LRRC8C: variants seen among roughly 807,000 people sequenced by gnomAD.
LRRC8C encodes the protein volume-regulated anion channel subunit LRRC8C.
Under a neutral mutation model 55.3 loss-of-function variants are expected in LRRC8C, and 20 were observed. That is an observed-to-expected ratio of 0.36 (90% CI 0.25 to 0.53). The LOEUF is 0.53. Ranked by LOEUF, LRRC8C falls within the 20% of genes least tolerant of loss-of-function variation. The pLI, the probability that LRRC8C is intolerant of heterozygous loss-of-function variation, is 0.92. For missense variants in LRRC8C, 659 were observed against 951.4 expected, an observed-to-expected ratio of 0.69 and a Z score of 4.04; for synonymous variants, 376 against 360.7, an observed-to-expected ratio of 1.04 and a Z score of -0.48.
At chr1:89,707,647 T>A (rs375632544) in intron 2 of LRRC8C, among the ~76,000 whole-genome samples, 1 of 117,692 alleles carries the variant, frequency 8.5e-6, no homozygotes, top group East Asian at 2.3e-4. Flanking sequence ...TGTGTGTGTG[T>A]GTGAGTGTGT....
intron 1 of LRRC8C, among the ~76,000 whole-genome samples, chr1:89,666,703 TTC>T (rs1332364635): frequency 6.6e-6 from 1 of 152,142 alleles, no homozygotes; most frequent in African/African-American, 2.4e-5. Flanking sequence ...ACATAAACAT[TTC>T]TGTTATTCAT....
At chr1:89,686,855 T>A (rs1422709823) in intron 2 of LRRC8C, among the ~76,000 whole-genome samples, 1 of 152,236 alleles carries the variant, frequency 6.6e-6, no homozygotes, top group Non-Finnish European at 1.5e-5. Flanking sequence ...TCAAGTAATG[T>A]CTGATGTCAC....
At chr1:89,709,721 T>G (rs1316219035) in intron 2 of LRRC8C, among the ~76,000 whole-genome samples, 1 of 151,178 alleles carries the variant, frequency 6.6e-6, no homozygotes, top group Admixed American at 6.6e-5. Context: ...TTTTTTGTTT[T>G]GTTTTGTTTT....
chr1:89,637,523 C>T (rs1656324179), intron 1 of LRRC8C, among the ~76,000 whole-genome samples: 2 of 151,616 alleles, frequency 1.3e-5, no homozygotes, highest in African/African-American at 2.4e-5. Flanking sequence ...ATAAAGGAAG[C>T]ATAACTATAA....
chr1:89,712,628 T>A (rs1658680629), intron 2 of LRRC8C, 81 bp from the exon 3 acceptor site: 1 of 954,220 alleles, frequency 1.0e-6, no homozygotes, highest in Admixed American at 2.1e-5. Context: ...TATTGGATGT[T>A]ACTGCTGCTT....
chr1:89,619,070 T>C, the LRRC8C span, among the ~76,000 whole-genome samples: 3 of 152,206 alleles, frequency 2.0e-5, no homozygotes, highest in Non-Finnish European at 2.9e-5. Context: ...TTATAGATCA[T>C]GTAAAAAAGA....
At chr1:89,642,031 G>A (rs143023373) in intron 1 of LRRC8C, among the ~76,000 whole-genome samples, 1 of 152,208 alleles carries the variant, frequency 6.6e-6, no homozygotes, top group Non-Finnish European at 1.5e-5. Context: ...TGAAATCCTT[G>A]AAGTTATGTT....
At chr1:89,653,413 C>G (rs959295476) in intron 1 of LRRC8C, among the ~76,000 whole-genome samples, 1 of 152,198 alleles carries the variant, frequency 6.6e-6, no homozygotes, top group Non-Finnish European at 1.5e-5. Flanking sequence ...TGTCATGTAT[C>G]ATGTAGCCTC....
the LRRC8C span, among the ~76,000 whole-genome samples, chr1:89,621,433 C>T: frequency 6.6e-6 from 1 of 152,140 alleles, no homozygotes; most frequent in African/African-American, 2.4e-5. Flanking sequence ...CGCCACTGCA[C>T]TCCAGCCTGG....
intron 2 of LRRC8C, 58 bp downstream of exon 2, chr1:89,686,669 C>A: frequency 6.3e-7 from 1 of 1,587,182 alleles, no homozygotes; most frequent in Non-Finnish European, 8.6e-7. Flanking sequence ...GTCATTGAAA[C>A]CTCTTTAGGG....
At chr1:89,660,445 G>C (rs1396040417) in intron 1 of LRRC8C, among the ~76,000 whole-genome samples, 1 of 152,124 alleles carries the variant, frequency 6.6e-6, no homozygotes, top group Non-Finnish European at 1.5e-5. Context: ...CTGCACCCAG[G>C]CATCAGTGTT....
chr1:89,706,480 A>G (rs1570740400), intron 2 of LRRC8C: 2 of 371,474 alleles, frequency 5.4e-6, no homozygotes, highest in Non-Finnish European at 5.3e-6. Flanking sequence ...TAATGATTCT[A>G]ACAAAGGACT....
In LRRC8C at chr1:89,713,218, T is replaced by G. The variant is rs757184187; in HGVS notation, c.648T>G (p.Ile216Met). The stretch of plus-strand genomic sequence containing the variant: ...TCAACTCTCAGTCTTTAAAGTCCAT[T>G]CCTGAGAAGTTTGTAGTTGATAAAT... ...SLVNSQSLKS[I>M]PEKFVVDKST... The change falls in exon 3 of 3, where the codon ATT becomes ATG. Residue 216 changes from isoleucine (I) to methionine (M), a missense_variant. Ile to Met is a conservative substitution (Grantham distance 10). This residue lies in a region of LRRC8C where 200 missense variants were observed against 360.5 expected (regional missense o/e 0.55). Transcript: ENST00000370454. The surrounding 1 kb of genome is among the most constrained non-coding windows in gnomAD (Gnocchi z 5.2). The G allele has an allele frequency of 8.7e-6, 14 of 1,614,194 alleles. No individual in the cohort carries two copies. The highest frequency in any genetic ancestry group is 1.2e-5 in the Non-Finnish European group (14 of 1,180,040).
upstream of LRRC8C, chr1:89,631,778 C>G: frequency 6.6e-6 from 1 of 152,126 alleles, no homozygotes; most frequent in East Asian, 1.9e-4. Flanking sequence ...TTAAGGTTGT[C>G]TTCTGGGAAG....
Position 89,673,527 on chromosome 1 carries a change from G to T in LRRC8C, c.-4-12943G>T, listed in dbSNP as rs1472332878. ...GTCAATGAAGATGGCACTGTTTTTG[G>T]TCTTGTTCCAAGTTAGCTGATGAGC... On this transcript the variant is annotated intron_variant, in intron 1 of 2. Coordinates refer to ENST00000370454, the MANE Select transcript of LRRC8C (RefSeq NM_032270.5). 2.0e-5 allele frequency among the ~76,000 whole-genome samples: 3 copies of T among 152,128 alleles called. No individual in the cohort carries two copies. The East Asian group carries it at 5.8e-4, about 29-fold the overall frequency.
Position 89,717,178 on chromosome 1 carries a change from G to A in LRRC8C, c.*2196G>A, listed in dbSNP as rs1292090763. 6.6e-6 allele frequency: 1 copy of A among 152,108 alleles called. No individual in the cohort carries two copies. Among genetic ancestry groups the A allele is most frequent in the African/African-American group, 2.4e-5 (1 of 41,432 alleles). The allele number at this position is 152,108 out of a possible 1,614,324, so 9.4% of individuals were successfully genotyped here. A position where few individuals can be genotyped will look rare whatever the true frequency, so the allele number is the denominator to read the frequency against. On this transcript the variant is annotated 3_prime_UTR_variant, in exon 3 of 3. Transcript: ENST00000370454. ...TAAACAAATAATTTGTTGGCCGATT[G>A]TCCATGGTTGAGCATGACAAAAATA...
intron 1 of LRRC8C, among the ~76,000 whole-genome samples, chr1:89,680,197 C>T (rs1359626590): frequency 6.6e-6 from 1 of 151,888 alleles, no homozygotes. Flanking sequence ...CCTGTCTCAG[C>T]CTCCCGAGTA....
At chr1:89,641,322 A>G (rs1316174807) in intron 1 of LRRC8C, among the ~76,000 whole-genome samples, 1 of 152,230 alleles carries the variant, frequency 6.6e-6, no homozygotes. Context: ...AAGAAAAGTG[A>G]ATGGTCAGAT....
At chr1:89,684,923 C>T (rs1193469038) in intron 1 of LRRC8C, among the ~76,000 whole-genome samples, 2 of 152,126 alleles carry the variant, frequency 1.3e-5, no homozygotes, top group Non-Finnish European at 2.9e-5. Flanking sequence ...GAGAGGAGAA[C>T]ATCGCCAGGC....
Sources: gnomAD v4.1 joint callset for allele counts (sites outside exome capture counted in the v4.1 genomes callset) on GRCh38, gnomAD v4.1.1 for gene constraint, gnomAD v4.1.1 regional missense constraint, Gnocchi (gnomAD v3.1) non-coding constraint, MANE v1.5 for transcripts, NCBI Gene and HGNC (gene_info 2026-07-23, HGNC 2026-07-21) for gene names.